Variants in FAT3 observed in about 807,000 individuals in gnomAD.
FAT3 encodes FAT atypical cadherin 3, also known as protocadherin Fat 3.
A neutral mutation model predicts 310.2 loss-of-function variants in FAT3; 95 were observed. That is an observed-to-expected ratio of 0.31 (90% CI 0.26 to 0.36). The LOEUF (loss-of-function observed/expected upper bound fraction) is 0.36. Among genes scored for constraint, FAT3 ranks in the 10% least tolerant of loss-of-function variants. FAT3 has a pLI of 1.00. For missense variants in FAT3, 5,408 were observed against 5,715.6 expected, an observed-to-expected ratio of 0.95 and a Z score of 1.74; for synonymous variants, 2,314 against 2,192.9, an observed-to-expected ratio of 1.06 and a Z score of -1.54.
At chr11:92,719,669 A>G (rs1322065721) in intron 4 of FAT3, among the ~76,000 whole-genome samples, 3 of 151,354 alleles carry the variant, frequency 2.0e-5, no homozygotes, top group Non-Finnish European at 4.4e-5. Flanking sequence ...TTTTTTATCC[A>G]AGTTTGGTTG....
At chr11:92,315,782 A>T (rs1393788351) in intron 1 of FAT3, among the ~76,000 whole-genome samples, 1 of 151,898 alleles carries the variant, frequency 6.6e-6, no homozygotes, top group South Asian at 2.1e-4. Context: ...TTGGCCTCCC[A>T]AAGTGCCAGG....
intron 2 of FAT3, among the ~76,000 whole-genome samples, chr11:92,514,988 A>G (rs1953430974): frequency 6.6e-6 from 1 of 152,084 alleles, no homozygotes; most frequent in Non-Finnish European, 1.5e-5. Context: ...TGGGTCAGAG[A>G]TGTTGTGGAA....
chr11:92,691,250 T>C (rs1476551450), intron 3 of FAT3, among the ~76,000 whole-genome samples: 1 of 152,188 alleles, frequency 6.6e-6, no homozygotes, highest in Non-Finnish European at 1.5e-5. Context: ...TGTGATCTTA[T>C]GACCAGTTAT....
intron 4 of FAT3, among the ~76,000 whole-genome samples, chr11:92,739,258 G>C (rs1945438579): frequency 6.6e-6 from 1 of 152,122 alleles, no homozygotes; most frequent in Admixed American, 6.6e-5. Context: ...TCAGCTGCTG[G>C]TGATGCAATG....
intron 1 of FAT3, among the ~76,000 whole-genome samples, chr11:92,339,951 A>C (rs2134576980): frequency 6.6e-6 from 1 of 152,082 alleles, no homozygotes; most frequent in African/African-American, 2.4e-5. Context: ...TCTCTACTAA[A>C]AATACAAAAA....
intron 12 of FAT3, 33 bp downstream of exon 12, chr11:92,806,548 A>C: frequency 6.6e-7 from 1 of 1,514,152 alleles, no homozygotes; most frequent in Non-Finnish European, 8.9e-7. Context: ...GATAAATGTC[A>C]TTGTTAATTC....
intron 1 of FAT3, among the ~76,000 whole-genome samples, chr11:92,299,575 C>T (rs1050232169): frequency 3.7e-4 from 57 of 152,142 alleles, no homozygotes; most frequent in African/African-American, 1.2e-3. Context: ...GATCCGATGT[C>T]GAGCAAGGTA....
chr11:92,240,717 G>A lies in FAT3; in HGVS notation c.-18+15543G>A, dbSNP rs375125054. ...GCTCATTTTATTGACATATTGTTTT[G>A]TCTGTTGTGAGTAGACATGCATTAT... On this transcript the variant is annotated intron_variant, in intron 1 of 27. Coordinates refer to ENST00000525166, the MANE Select transcript of FAT3 (RefSeq NM_001367949.2). 2.0e-5 allele frequency among the ~76,000 whole-genome samples: 3 copies of A among 152,008 alleles called. 1 individual carries two copies. Among genetic ancestry groups the A allele is most frequent in the African/African-American group, 7.2e-5 (3 of 41,502 alleles).
chr11:92,392,615 A>C (rs1381769054), intron 2 of FAT3, among the ~76,000 whole-genome samples: 1 of 152,116 alleles, frequency 6.6e-6, no homozygotes, highest in East Asian at 1.9e-4. Context: ...CACATTGCAC[A>C]CTGCACTACA....
chr11:92,869,501 C>T (rs1949334350), intron 22 of FAT3, among the ~76,000 whole-genome samples: 1 of 152,196 alleles, frequency 6.6e-6, no homozygotes, highest in Non-Finnish European at 1.5e-5. Context: ...TCTACCTCTT[C>T]CTGGCTATAG....
chr11:92,511,664 G>T (rs1446154978), intron 2 of FAT3, among the ~76,000 whole-genome samples: 20 of 152,180 alleles, frequency 1.3e-4, no homozygotes, highest in Non-Finnish European at 2.9e-4. Flanking sequence ...GGCTGGCTGG[G>T]TGACAGTGCT....
intron 4 of FAT3, among the ~76,000 whole-genome samples, chr11:92,729,426 ATTT>A (rs1358571849): frequency 1.4e-5 from 2 of 140,400 alleles, no homozygotes; most frequent in Non-Finnish European, 1.6e-5. Flanking sequence ...CCCAGACTGA[ATTT>A]TTTTTTTTTT....
At chr11:92,569,714 G>A (rs1955603343) in intron 3 of FAT3, among the ~76,000 whole-genome samples, 1 of 152,170 alleles carries the variant, frequency 6.6e-6, no homozygotes, top group Non-Finnish European at 1.5e-5. Flanking sequence ...GAGAAATGTA[G>A]TGGGAACCCC....
At chr11:92,311,834 A>T (rs1947313129) in intron 1 of FAT3, among the ~76,000 whole-genome samples, 1 of 152,140 alleles carries the variant, frequency 6.6e-6, no homozygotes, top group Non-Finnish European at 1.5e-5. Flanking sequence ...TTTGTCATTC[A>T]GTCTCCCCTG....
At chr11:92,604,097 C>G (rs11020021) in intron 3 of FAT3, among the ~76,000 whole-genome samples, 4,403 of 152,226 alleles carry the variant, frequency 0.029, 231 homozygotes, top group African/African-American at 0.1. Context: ...TGGATGTGTT[C>G]AAGGGTTCTG....
chr11:92,755,329 T>G (rs751047603), intron 4 of FAT3, among the ~76,000 whole-genome samples: 1 of 152,138 alleles, frequency 6.6e-6, no homozygotes, highest in Non-Finnish European at 1.5e-5. Flanking sequence ...TTCAAGTGAT[T>G]CTTCTGCCTC....
chr11:92,332,006 A>T (rs1056863124), intron 1 of FAT3, among the ~76,000 whole-genome samples: 2 of 152,196 alleles, frequency 1.3e-5, no homozygotes, highest in Admixed American at 6.5e-5. Flanking sequence ...CACACATGTT[A>T]GCTACAAGAG....
intron 2 of FAT3, among the ~76,000 whole-genome samples, chr11:92,501,546 C>G (rs1952938645): frequency 6.6e-6 from 1 of 152,002 alleles, no homozygotes; most frequent in African/African-American, 2.4e-5. Flanking sequence ...CGTCTAGTAA[C>G]TACTTTAAGG....
chr11:92,834,837 A>G lies in FAT3; in HGVS notation c.9872-33A>G, dbSNP rs1339119603. Reference sequence around the variant, plus strand: ...AATTGCTGACCAGTGTTTTTTCCTAATGAAATATAAAGCTCCCCATTTTTC... The same window carrying G: ...AATTGCTGACCAGTGTTTTTTCCTAGTGAAATATAAAGCTCCCCATTTTTC... On this transcript the variant is annotated intron_variant, in intron 14 of 27. Transcript: ENST00000525166. 4 of 1,525,080 alleles carry G rather than the reference A, an allele frequency of 2.6e-6. No homozygotes were observed. The East Asian group carries it at 9.4e-5, about 36-fold the overall frequency. The allele number at this position is 1,525,080 out of a possible 1,614,324, so 94.5% of individuals were successfully genotyped here. A position where few individuals can be genotyped will look rare whatever the true frequency, so the allele number is the denominator to read the frequency against.
Sources: gnomAD v4.1 joint callset for allele counts (sites outside exome capture counted in the v4.1 genomes callset) on GRCh38, gnomAD v4.1.1 for gene constraint, MANE v1.5 for transcripts, NCBI Gene and HGNC (gene_info 2026-07-23, HGNC 2026-07-21) for gene names.